The following MSL3 variants were observed in gnomAD, a reference collection of about 807,000 sequenced individuals.
The protein encoded by MSL3 is MSL complex subunit 3.
In MSL3, 5 loss-of-function variants were observed where a neutral mutation model predicts 37.2. The observed-to-expected ratio is 0.13, with a 90% CI of 0.07 to 0.28. The LOEUF (loss-of-function observed/expected upper bound fraction) is 0.28, where lower values mean the gene tolerates loss of function less well. Among genes scored for constraint, MSL3 ranks in the 10% least tolerant of loss-of-function variants. The probability of loss-of-function intolerance (pLI) is 1.00; values close to 1 mark genes in which losing one functional copy is unlikely to be tolerated. For synonymous variants in MSL3, 149 were observed against 147.6 expected (o/e 1.01, Z -0.07); for missense variants, 315 against 408.5 (o/e 0.77, Z 1.97).
chrX:11,765,446 G>C, intron 8 of MSL3, 21 bp from the exon 9 acceptor site: 1 of 1,169,125 alleles, frequency 8.6e-7, no homozygotes, highest in South Asian at 1.9e-5. Context: ...AGCCATGTGT[G>C]ACATCCTCCA....
chrX:11,766,916 A>C, intron 9 of MSL3: 2 of 754,690 alleles, frequency 2.7e-6, no homozygotes, highest in East Asian at 1.5e-4. Flanking sequence ...CCCATGCCCC[A>C]GTAGGTGTAT....
chrX:11,774,917 T>A, intron 12 of MSL3, 63 bp from the exon 13 acceptor site: 1 of 796,531 alleles, frequency 1.3e-6, no homozygotes, highest in Non-Finnish European at 1.9e-6. Context: ...TGAAAGTCAA[T>A]ATTTTGCTTG....
At chrX:11,768,449 T>A (rs1201974045) in intron 9 of MSL3, 124 bp from the exon 10 acceptor site, 2 of 465,480 alleles carry the variant, frequency 4.3e-6, no homozygotes, top group African/African-American at 4.8e-5. Flanking sequence ...TAGGAAAGTC[T>A]TATCGTTAAA....
At chrX:11,758,813 C>T in intron 1 of MSL3, 1 of 1,137,822 alleles carries the variant, frequency 8.8e-7, no homozygotes, top group South Asian at 1.9e-5. Context: ...CGCTGACTTG[C>T]GACGTTGTGT....
At position 11,763,011 on chromosome X, in the gene MSL3, TG is replaced by T. The variant is rs946188931; in HGVS notation, c.749+15del. The T allele has an allele frequency of 3.4e-6, 4 of 1,181,086 alleles. No homozygotes were observed. The African/African-American group carries it at 7.1e-5, about 21-fold the overall frequency. ...AGCAGAAAAGAAGTGAGTACTGGCA[TG>T]TTTGGTGTTTTGTGGTTCTCTCTGT... is the stretch of plus-strand genomic sequence containing the variant. On this transcript the variant is annotated intron_variant, in intron 7 of 12. Coordinates refer to ENST00000312196, the MANE Select transcript of MSL3 (RefSeq NM_078629.4).
Position 11,775,052 on chromosome X carries a change from C to T in MSL3, c.1539C>T (p.Ser513=). 8.3e-7 allele frequency: 1 copy of T among 1,205,970 alleles called. No individual in the cohort carries two copies. Among genetic ancestry groups the T allele is most frequent in the Non-Finnish European group, 1.1e-6 (1 of 890,577 alleles). The change falls in exon 13 of 13, where the codon AGC becomes AGT. Residue 513 remains serine (S), a synonymous_variant. Coordinates refer to ENST00000312196, the MANE Select transcript of MSL3 (RefSeq NM_078629.4). ...TCGCTGCCTGTGAGGCACATTACAG[C>T]ACCAAGAACCCCCGGGCAATTTATT... ...AYVAACEAHY[S]TKNPRAIY
rs1185288978 is a variant in MSL3 at position 11,774,585 on chromosome X, T to C, written c.1467-395T>C. Among the ~76,000 whole-genome samples the C allele has an allele frequency of 7.1e-5, 8 of 112,514 alleles. No homozygotes were observed. The East Asian group carries it at 1.9e-3, about 27-fold the overall frequency. Reference sequence around the variant, plus strand: ...CACCTGCCTCGGCCTCCCAAAGTGCTGGGATTACAGGCGTGAACCACAGTG... The same window carrying C: ...CACCTGCCTCGGCCTCCCAAAGTGCCGGGATTACAGGCGTGAACCACAGTG... On this transcript the variant is annotated intron_variant, in intron 12 of 12. Transcript: ENST00000312196.
chrX:11,773,414 G>T (rs2053246732), intron 12 of MSL3, among the ~76,000 whole-genome samples: 1 of 111,806 alleles, frequency 8.9e-6, no homozygotes, highest in Non-Finnish European at 1.9e-5. Context: ...TCTCTTCCTT[G>T]TATCCAGGCC....
chrX:11,758,404 G>C lies in MSL3; in HGVS notation c.102+39G>C, dbSNP rs751164369. On this transcript the variant is annotated intron_variant, in intron 1 of 12. Transcript: ENST00000312196. ...GGGACAGGGAGGAGGCGCGGGCTGG[G>C]GGACCCGGGACCGGGGGCGGGGGCG... is the stretch of plus-strand genomic sequence containing the variant. 7.0e-6 allele frequency: 7 copies of C among 1,002,823 alleles called. No individual in the cohort carries two copies. In the South Asian group the frequency reaches 2.1e-4, roughly 29 times the overall value. 82.6% of individuals were successfully genotyped at this position (1,002,823 alleles called of 1,213,427 possible). A position where few individuals can be genotyped will look rare whatever the true frequency, so the allele number is the denominator to read the frequency against.
rs754015952 is a variant in MSL3 at position 11,761,621 on chromosome X, A to G, written c.465+39A>G. On this transcript the variant is annotated intron_variant, in intron 5 of 12. Coordinates refer to ENST00000312196, the MANE Select transcript of MSL3 (RefSeq NM_078629.4). Reference sequence around the variant, plus strand: ...ATTGTAAAAACTTTCTCTTTGTTATATATTTTAGTGGTAAAAATTCACAGT... The same window carrying G: ...ATTGTAAAAACTTTCTCTTTGTTATGTATTTTAGTGGTAAAAATTCACAGT... 1.0e-5 allele frequency: 9 copies of G among 890,778 alleles called. No individual in the cohort carries two copies. In the East Asian group the frequency reaches 2.6e-4, roughly 26 times the overall value. The allele number at this position is 890,778 out of a possible 1,213,427, so 73.4% of individuals were successfully genotyped here.
intron 1 of MSL3, among the ~76,000 whole-genome samples, chrX:11,759,360 G>T (rs1174590218): frequency 9.0e-6 from 1 of 111,382 alleles, no homozygotes; most frequent in East Asian, 2.8e-4. Flanking sequence ...AGGGGGGGGG[G>T]CACGCCCCAT....
At position 11,760,921 on chromosome X, in the gene MSL3, T is replaced by A. The variant is rs766049541; in HGVS notation, c.366T>A (p.Asp122Glu). Residue 122 changes from aspartate to glutamate, a missense_variant, in exon 4 of 13, where the codon GAT (aspartate) becomes GAA (glutamate). Asp to Glu is a conservative substitution (Grantham distance 45). Coordinates refer to ENST00000312196, the MANE Select transcript of MSL3 (RefSeq NM_078629.4). ...VLKGLPTEEKDENDENSLSSS... is the reference protein window; with the variant it reads ...VLKGLPTEEKEENDENSLSSS... ...AAGGCCTCCCCACTGAAGAAAAAGA[T>A]GAAAATGATGAAAACTGTGAGTAGC... 3.4e-6 allele frequency: 4 copies of A among 1,185,662 alleles called. No homozygotes were observed.
intron 9 of MSL3, chrX:11,767,307 G>C: frequency 1.4e-6 from 1 of 732,275 alleles, no homozygotes; most frequent in African/African-American, 2.3e-5. Flanking sequence ...AAAACAGCTT[G>C]ATTGAGATAT....
chrX:11,763,492 C>T (rs1001286704), intron 7 of MSL3, among the ~76,000 whole-genome samples: 41 of 112,729 alleles, frequency 3.6e-4, no homozygotes, highest in Non-Finnish European at 6.6e-4. Context: ...GGGGTGTGTC[C>T]ACCTGTCCAC....
chrX:11,759,659 A>G, intron 1 of MSL3, 134 bp from the exon 2 acceptor site: 3 of 1,117,886 alleles, frequency 2.7e-6, no homozygotes, highest in Non-Finnish European at 3.5e-6. Flanking sequence ...AAGGAAAAAT[A>G]TTTCAACCCG....
chrX:11,771,991 T>G (rs1254156955), intron 10 of MSL3, among the ~76,000 whole-genome samples, 165 bp from the exon 11 acceptor site: 4 of 112,510 alleles, frequency 3.6e-5, no homozygotes, highest in Admixed American at 9.4e-5. Context: ...CTTGATCTAT[T>G]TTAAGTGTTT....
intron 10 of MSL3, among the ~76,000 whole-genome samples, chrX:11,769,848 C>T (rs1416616205): frequency 8.9e-6 from 1 of 112,383 alleles, no homozygotes. Flanking sequence ...TCAAGTGATC[C>T]TCCCGCCTCT....
At chrX:11,768,239 C>G (rs917557418) in intron 9 of MSL3, 5 of 138,806 alleles carry the variant, frequency 3.6e-5, no homozygotes, top group African/African-American at 9.6e-5. Context: ...TCTGCAAGCT[C>G]CTGGCAACCA....
In MSL3 at chrX:11,772,689, T is replaced by G; in HGVS notation, c.1450T>G (p.Phe484Val). 2 of 1,168,877 alleles carry G rather than the reference T, an allele frequency of 1.7e-6. No homozygotes were observed. Among genetic ancestry groups the G allele is most frequent in the South Asian group, 1.9e-5 (1 of 53,993 alleles). ...GAATCTGAAGGCTTTATTGAAGCAC[T>G]TTGATCTCTTTTTGAGGTATTTTTA... is the stretch of plus-strand genomic sequence containing the variant. ...EKNLKALLKHFDLFLRFLAEY... is the reference protein window; with the variant it reads ...EKNLKALLKHVDLFLRFLAEY... Residue 484 changes from phenylalanine (F) to valine (V), a missense_variant, in exon 12 of 13, where the codon TTT (phenylalanine) becomes GTT (valine). Physicochemically the swap from Phe to Val is conservative, Grantham distance 50 (BLOSUM62 -1). Transcript: ENST00000312196.
Sources: gnomAD v4.1 joint callset for allele counts (sites outside exome capture counted in the v4.1 genomes callset) on GRCh38, gnomAD v4.1.1 for gene constraint, MANE v1.5 for transcripts, NCBI Gene and HGNC (gene_info 2026-07-23, HGNC 2026-07-21) for gene names.